Variants in CGGBP1 observed in about 807,000 individuals in gnomAD.
CGGBP1 encodes CGG triplet repeat binding protein 1.
In CGGBP1, 4 loss-of-function variants were observed where a neutral mutation model predicts 11.4. That is an observed-to-expected ratio of 0.35 (90% CI 0.17 to 0.80). CGGBP1 has a LOEUF of 0.80. Ranked by LOEUF, CGGBP1 falls within the 30% of genes least tolerant of loss-of-function variation. CGGBP1 has a pLI of 0.52. For missense variants in CGGBP1, 135 were observed against 202.1 expected (o/e 0.67, Z 2.01); for synonymous variants, 76 against 74.1 (o/e 1.03, Z -0.13).
rs6777019 is a variant in CGGBP1, at chr3:88,053,658, C to G, written c.*1815G>C. The G allele has an allele frequency of 1.3e-5, 2 of 152,510 alleles. No individual in the cohort carries two copies. The highest frequency in any genetic ancestry group is 3.9e-4 in the East Asian group (2 of 5,174). The allele number at this position is 152,510 out of a possible 1,614,324, so 9.4% of individuals were successfully genotyped here. A position where few individuals can be genotyped will look rare whatever the true frequency, so the allele number is the denominator to read the frequency against. The stretch of plus-strand genomic sequence containing the variant: ...AAAACAGAATGATTGTGTATCTTTT[C>G]GTATTCTGAAAATAGTGCTATAAAA... On this transcript the variant is annotated 3_prime_UTR_variant, in exon 4 of 4. Coordinates refer to ENST00000482016, the MANE Select transcript of CGGBP1 (RefSeq NM_001008390.2).
intron 2 of CGGBP1, among the ~76,000 whole-genome samples, chr3:88,096,646 T>A (rs991505807): frequency 2.0e-5 from 3 of 152,308 alleles, no homozygotes; most frequent in African/African-American, 7.2e-5. Context: ...ATCTGCTTTT[T>A]ATCTGGTTCC....
rs1346082592 is a variant in CGGBP1 at position 88,052,788 on chromosome 3, A to AT, written c.*2684dup. On this transcript the variant is annotated 3_prime_UTR_variant, in exon 4 of 4. Transcript: ENST00000482016. ...AGGCTCTCATACACAATCTTTCTTA[A>AT]TTTTCACCTTGTAAGAAATGATTAC... The AT allele has an allele frequency of 6.6e-6, 1 of 152,574 alleles. No homozygotes were observed. The highest frequency in any genetic ancestry group is 1.5e-5 in the Non-Finnish European group (1 of 68,014). 9.5% of individuals were successfully genotyped at this position (152,574 alleles called of 1,614,324 possible). A position where few individuals can be genotyped will look rare whatever the true frequency, so the allele number is the denominator to read the frequency against.
At chr3:88,100,421 C>T (rs190890329) in intron 2 of CGGBP1, among the ~76,000 whole-genome samples, 20 of 152,272 alleles carry the variant, frequency 1.3e-4, no homozygotes, top group African/African-American at 4.6e-4. Context: ...GTGGCAATTC[C>T]TCAGGGATGT....
chr3:88,054,844 C>G lies in CGGBP1; in HGVS notation c.*629G>C, dbSNP rs1327314659. ...TTGAAAGATTTTAGTCTTTTGGTCA[C>G]TTGAAGCTGCTACAAAATACAACAA... On this transcript the variant is annotated 3_prime_UTR_variant, in exon 4 of 4. Coordinates refer to ENST00000482016, the MANE Select transcript of CGGBP1 (RefSeq NM_001008390.2). 5 of 152,594 alleles carry G rather than the reference C, an allele frequency of 3.3e-5. No homozygotes were observed. The highest frequency in any genetic ancestry group is 1.2e-4 in the African/African-American group (5 of 41,434). The allele number at this position is 152,594 out of a possible 1,614,324, so 9.5% of individuals were successfully genotyped here. A position where few individuals can be genotyped will look rare whatever the true frequency, so the allele number is the denominator to read the frequency against.
At chr3:88,137,902 C>T (rs60377014) in intron 2 of CGGBP1, among the ~76,000 whole-genome samples, 22,338 of 151,822 alleles carry the variant, frequency 0.15, 1,692 homozygotes, top group African/African-American at 0.17. Context: ...GATATATATA[C>T]ATATATATGA....
At chr3:88,067,642 A>T (rs1576190146) in intron 2 of CGGBP1, among the ~76,000 whole-genome samples, 1 of 152,300 alleles carries the variant, frequency 6.6e-6, no homozygotes, top group East Asian at 1.9e-4. Flanking sequence ...ATGTTTTAGG[A>T]TGGGGTGAAT....
intron 2 of CGGBP1, among the ~76,000 whole-genome samples, chr3:88,111,499 T>C (rs1576301342): frequency 1.3e-5 from 2 of 152,030 alleles, no homozygotes; most frequent in East Asian, 3.8e-4. Context: ...TTGGAATTTT[T>C]TAATTCATAT....
intron 2 of CGGBP1, among the ~76,000 whole-genome samples, chr3:88,081,575 TATTTA>T (rs1296765494): frequency 6.6e-6 from 1 of 152,270 alleles, no homozygotes; most frequent in African/African-American, 2.4e-5. Context: ...GACTTACATA[TATTTA>T]ATTTATTGTA....
upstream of CGGBP1, among the ~76,000 whole-genome samples, chr3:88,061,229 A>C (rs1706863680): frequency 6.6e-6 from 1 of 152,126 alleles, no homozygotes; most frequent in Non-Finnish European, 1.5e-5. Context: ...AAATCTATTT[A>C]ATTTGTTTGT....
chr3:88,141,727 T>G, intron 1 of CGGBP1: 1 of 1,206,492 alleles, frequency 8.3e-7, no homozygotes, highest in Non-Finnish European at 1.1e-6. Flanking sequence ...CATCATCAGT[T>G]TGCTATTTCC....
chr3:88,091,878 C>T (rs1708651119), intron 2 of CGGBP1, among the ~76,000 whole-genome samples: 1 of 152,180 alleles, frequency 6.6e-6, no homozygotes, highest in Admixed American at 6.5e-5. Flanking sequence ...GTCCATTAAA[C>T]CTCTTTTTCT....
rs540532027 is a variant in CGGBP1, at chr3:88,098,681, G to A, written c.-228-40458C>T. ...GGGATGCAAGGCTGGTTCAACATAC[G>A]AAAATCAATAAACGTAATCCAGCAT... On this transcript the variant is annotated intron_variant, in intron 2 of 3. Coordinates refer to the CGGBP1 transcript ENST00000462901. Among the ~76,000 whole-genome samples the A allele has an allele frequency of 2.6e-4, 40 of 152,184 alleles. No individual in the cohort carries two copies. The South Asian group carries it at 6.2e-3, about 24-fold the overall frequency.
chr3:88,099,518 A>C (rs982806142), intron 2 of CGGBP1, among the ~76,000 whole-genome samples: 2 of 151,530 alleles, frequency 1.3e-5, no homozygotes, highest in Admixed American at 1.3e-4. Flanking sequence ...CGCATTGCCA[A>C]GACAATCCTA....
At chr3:88,066,531 C>T (rs1465438945) in intron 2 of CGGBP1, among the ~76,000 whole-genome samples, 1 of 151,778 alleles carries the variant, frequency 6.6e-6, no homozygotes, top group African/African-American at 2.4e-5. Context: ...CTGAGATCTC[C>T]AGCCTGGCTG....
intron 1 of CGGBP1, chr3:88,144,248 TATATA>T (rs979714959): frequency 1.2e-4 from 18 of 152,430 alleles, no homozygotes; most frequent in African/African-American, 4.1e-4. Flanking sequence ...AACCACCAAT[TATATA>T]ATACTTAAAT....
chr3:88,093,195 T>C (rs758981840), intron 2 of CGGBP1, among the ~76,000 whole-genome samples: 10 of 152,198 alleles, frequency 6.6e-5, no homozygotes, highest in Non-Finnish European at 1.2e-4. Context: ...TTACTGGTTT[T>C]TTCCTTTTGC....
upstream of CGGBP1, chr3:88,059,267 T>TACGGCGGCG: frequency 6.5e-7 from 1 of 1,531,774 alleles, no homozygotes; most frequent in Non-Finnish European, 8.7e-7. Flanking sequence ...CCTAGGCATC[T>TACGGCGGCG]ACGGCGGCGG....
At chr3:88,147,675 G>A (rs967705474) in intron 1 of CGGBP1, among the ~76,000 whole-genome samples, 6 of 152,254 alleles carry the variant, frequency 3.9e-5, no homozygotes, top group African/African-American at 1.4e-4. Flanking sequence ...AGAACCACAT[G>A]TGTCTGATAG....
intron 2 of CGGBP1, among the ~76,000 whole-genome samples, chr3:88,086,722 G>C (rs1194029234): frequency 1.3e-5 from 2 of 152,146 alleles, no homozygotes; most frequent in Admixed American, 1.3e-4. Flanking sequence ...GGCTATGATA[G>C]TTACCAGAGA....
Sources: allele counts gnomAD v4.1 joint callset (sites outside exome capture counted in the v4.1 genomes callset), GRCh38; gene constraint gnomAD v4.1.1; transcripts MANE v1.5; gene names NCBI Gene and HGNC (gene_info 2026-07-23, HGNC 2026-07-21).